The following NRXN3 variants were observed in gnomAD, a reference collection of about 807,000 sequenced individuals.
NRXN3 encodes the protein neurexin 3.
In NRXN3, 32 loss-of-function variants were observed where a neutral mutation model predicts 137.6. The observed-to-expected ratio is 0.23, with a 90% CI of 0.18 to 0.31. The LOEUF (loss-of-function observed/expected upper bound fraction) is 0.31, where lower values mean the gene tolerates loss of function less well. Ranked by LOEUF, NRXN3 falls within the 10% of genes least tolerant of loss-of-function variation. The pLI is 1.00. For synonymous variants in NRXN3, 798 were observed against 784.5 expected, an observed-to-expected ratio of 1.02 and a Z score of -0.29; for missense variants, 1,574 against 2,062.5, an observed-to-expected ratio of 0.76 and a Z score of 4.59.
intron 20 of NRXN3, among the ~76,000 whole-genome samples, chr14:79,830,839 G>A (rs2099321066): frequency 6.8e-6 from 1 of 146,906 alleles, no homozygotes; most frequent in Non-Finnish European, 1.5e-5. Flanking sequence ...CTATTCAGGT[G>A]ACTTTGTGAA....
intron 6 of NRXN3, among the ~76,000 whole-genome samples, chr14:78,701,464 C>G (rs974221396): frequency 9.9e-5 from 15 of 152,164 alleles, no homozygotes; most frequent in Non-Finnish European, 1.9e-4. Context: ...TTCTGGCTGG[C>G]CTGCCTGCAT....
At chr14:78,434,213 C>T (rs927074839) in intron 4 of NRXN3, among the ~76,000 whole-genome samples, 3 of 152,258 alleles carry the variant, frequency 2.0e-5, no homozygotes, top group Non-Finnish European at 4.4e-5. Context: ...TTCACACCAT[C>T]GTAAAGCTGA....
At chr14:79,516,286 C>G (rs960237064) in intron 16 of NRXN3, among the ~76,000 whole-genome samples, 3 of 152,138 alleles carry the variant, frequency 2.0e-5, no homozygotes, top group African/African-American at 7.2e-5. Flanking sequence ...TAGAAGGCCC[C>G]CAGCTTGCAG....
chr14:79,850,856 C>G (rs933647954), intron 20 of NRXN3, among the ~76,000 whole-genome samples: 2 of 152,162 alleles, frequency 1.3e-5, no homozygotes, highest in African/African-American at 4.8e-5. Context: ...TAATGGTTGA[C>G]TTATATGGTA....
chr14:79,447,264 T>A (rs2096076193), intron 15 of NRXN3, among the ~76,000 whole-genome samples: 1 of 152,176 alleles, frequency 6.6e-6, no homozygotes. Context: ...TATTTTTAAA[T>A]TGCTTGTTTC....
chr14:78,684,790 T>A (rs1182082474), intron 6 of NRXN3, among the ~76,000 whole-genome samples: 1 of 152,180 alleles, frequency 6.6e-6, no homozygotes, highest in African/African-American at 2.4e-5. Context: ...CAAGACCTTG[T>A]CTCAAAAACA....
chr14:79,665,245 A>C (rs2098552394), intron 17 of NRXN3, among the ~76,000 whole-genome samples: 1 of 152,122 alleles, frequency 6.6e-6, no homozygotes, highest in Non-Finnish European at 1.5e-5. Context: ...CAAGACCCCC[A>C]AGGTATTGAG....
chr14:79,576,615 G>C (rs971414951), intron 16 of NRXN3, among the ~76,000 whole-genome samples: 1 of 152,110 alleles, frequency 6.6e-6, no homozygotes. Flanking sequence ...CAGCCTTCTG[G>C]CCTGCTGTCA....
chr14:79,108,579 C>A (rs1392908419), intron 15 of NRXN3, among the ~76,000 whole-genome samples: 1 of 152,114 alleles, frequency 6.6e-6, no homozygotes, highest in Non-Finnish European at 1.5e-5. Flanking sequence ...AAACTTGAAA[C>A]TTAAAATTAA....
intron 15 of NRXN3, among the ~76,000 whole-genome samples, chr14:79,007,807 A>G (rs1314793221): frequency 1.6e-5 from 2 of 124,678 alleles, no homozygotes; most frequent in East Asian, 2.1e-4. Context: ...CTCCATCTCA[A>G]AAAAAAAAAA....
chr14:78,315,022 T>C (rs2078534631), intron 4 of NRXN3, among the ~76,000 whole-genome samples: 1 of 149,730 alleles, frequency 6.7e-6, no homozygotes, highest in Non-Finnish European at 1.5e-5. Context: ...TTCTTTTTAT[T>C]TTTTTTTGAG....
intron 4 of NRXN3, among the ~76,000 whole-genome samples, 163 bp downstream of exon 4, chr14:78,298,023 ACCTT>A (rs2076519100): frequency 6.6e-6 from 1 of 151,960 alleles, no homozygotes; most frequent in Admixed American, 6.5e-5. Context: ...GGGTGGGGGC[ACCTT>A]CCTTGATGCA....
At chr14:79,081,486 C>A (rs1419394025) in intron 15 of NRXN3, among the ~76,000 whole-genome samples, 1 of 151,976 alleles carries the variant, frequency 6.6e-6, no homozygotes, top group African/African-American at 2.4e-5. Context: ...TGGTGGCATG[C>A]ACCTGTAGTA....
At chr14:78,402,890 C>T (rs977203443) in intron 4 of NRXN3, among the ~76,000 whole-genome samples, 1 of 152,144 alleles carries the variant, frequency 6.6e-6, no homozygotes, top group Non-Finnish European at 1.5e-5. Context: ...TTAATATTAA[C>T]ACTATTAAGG....
chr14:78,241,975 A>G (rs1407483733), intron 1 of NRXN3, among the ~76,000 whole-genome samples: 1 of 152,212 alleles, frequency 6.6e-6, no homozygotes, highest in Non-Finnish European at 1.5e-5. Flanking sequence ...TGTCAAATTG[A>G]AAAGGAAAAA....
At chr14:79,716,841 A>G (rs1047778646) in intron 19 of NRXN3, among the ~76,000 whole-genome samples, 1 of 152,122 alleles carries the variant, frequency 6.6e-6, no homozygotes, top group African/African-American at 2.4e-5. Flanking sequence ...TTAGGATTAA[A>G]TTCATTCGTT....
chr14:79,860,382 G>A (rs1357812261), intron 20 of NRXN3, among the ~76,000 whole-genome samples: 1 of 152,182 alleles, frequency 6.6e-6, no homozygotes, highest in African/African-American at 2.4e-5. Context: ...TTAATAGTCA[G>A]GGGGATTTCT....
intron 4 of NRXN3, among the ~76,000 whole-genome samples, chr14:78,398,083 G>C: frequency 6.6e-6 from 1 of 151,472 alleles, no homozygotes; most frequent in South Asian, 2.1e-4. Context: ...GCATGGTGGT[G>C]CGTCCCTGTA....
chr14:78,603,707 A>G (rs1055764128), intron 4 of NRXN3, among the ~76,000 whole-genome samples: 13 of 152,152 alleles, frequency 8.5e-5, no homozygotes, highest in Admixed American at 7.2e-4. Context: ...AACCACCAAC[A>G]TCATTAGGAC....
Sources: gnomAD v4.1 joint callset for allele counts (sites outside exome capture counted in the v4.1 genomes callset) on GRCh38, gnomAD v4.1.1 for gene constraint, MANE v1.5 for transcripts, NCBI Gene and HGNC (gene_info 2026-07-23, HGNC 2026-07-21) for gene names.